The following ANKRD11 variants were observed in gnomAD, a reference collection of about 807,000 sequenced individuals.
The protein encoded by ANKRD11 is ankyrin repeat domain 11.
A neutral mutation model predicts 195.7 loss-of-function variants in ANKRD11; 17 were observed. The observed-to-expected ratio is 0.09, with a 90% CI of 0.06 to 0.13. The LOEUF (loss-of-function observed/expected upper bound fraction) is 0.13, where lower values mean the gene tolerates loss of function less well. Among genes scored for constraint, ANKRD11 ranks in the 10% least tolerant of loss-of-function variants. The pLI is 1.00. For synonymous variants in ANKRD11, 1,953 were observed against 1,528.1 expected (o/e 1.28, Z -6.49); for missense variants, 3,735 against 3,566.1 (o/e 1.05, Z -1.21).
At chr16:89,431,580 C>G (rs1448757073) in intron 1 of ANKRD11, among the ~76,000 whole-genome samples, 1 of 152,212 alleles carries the variant, frequency 6.6e-6, no homozygotes, top group Non-Finnish European at 1.5e-5. Flanking sequence ...TTCCACCCCA[C>G]CATTCCCGGT....
intron 2 of ANKRD11, among the ~76,000 whole-genome samples, chr16:89,389,938 G>T (rs34582717): frequency 9.9e-6 from 1 of 101,094 alleles, no homozygotes; most frequent in African/African-American, 4.2e-5. Flanking sequence ...GAGTGTGGCG[G>T]GGAGCACCGA....
At chr16:89,317,652 G>T (rs916352209) in intron 2 of ANKRD11, among the ~76,000 whole-genome samples, 1 of 152,190 alleles carries the variant, frequency 6.6e-6, no homozygotes, top group Non-Finnish European at 1.5e-5. Flanking sequence ...GCAGCTCCGA[G>T]GTCCCAACTC....
intron 2 of ANKRD11, among the ~76,000 whole-genome samples, chr16:89,366,618 T>C (rs558010790): frequency 1.5e-4 from 23 of 152,372 alleles, no homozygotes; most frequent in Non-Finnish European, 2.6e-4. Context: ...TTGAAAAGGC[T>C]GCCATCTTGC....
chr16:89,430,867 T>C (rs1351312895), intron 1 of ANKRD11, among the ~76,000 whole-genome samples: 1 of 152,226 alleles, frequency 6.6e-6, no homozygotes, highest in South Asian at 2.1e-4. Context: ...AGAATCATCA[T>C]GTTCGTCAGC....
Position 89,453,908 on chromosome 16 carries a change from G to A in ANKRD11, c.-144-35540C>T, listed in dbSNP as rs139559418. On this transcript the variant is annotated intron_variant, in intron 1 of 12. Transcript: ENST00000301030. The stretch of plus-strand genomic sequence containing the variant: ...CCCAACTTCTAACTTCCCTGGGCAA[G>A]TGGCCCAACTTCCTTGTGCCTCAAC... 9.5e-3 allele frequency among the ~76,000 whole-genome samples: 1,444 copies of A among 152,302 alleles called. 13 individuals carry two copies. Among genetic ancestry groups the A allele is most frequent in the Middle Eastern group, 0.017 (5 of 294 alleles).
Position 89,267,937 on chromosome 16 carries a change from TC to T in ANKRD11, c.*540del, listed in dbSNP as rs2151657579. On this transcript the variant is annotated 3_prime_UTR_variant, in exon 13 of 13. Transcript: ENST00000301030. ...GCTGGGAGTCCTGGCTCTGTGTCCC[TC>T]CGCCTGGCTCCGCACCAGGTCTGAA... 1 of 163,236 alleles carries T rather than the reference TC, an allele frequency of 6.1e-6. No homozygotes were observed. The highest frequency in any genetic ancestry group is 1.7e-4 in the East Asian group (1 of 5,876). 10.1% of individuals were successfully genotyped at this position (163,236 alleles called of 1,614,324 possible).
At chr16:89,345,075 C>T (rs56324531) in intron 2 of ANKRD11, among the ~76,000 whole-genome samples, 31 of 152,262 alleles carry the variant, frequency 2.0e-4, no homozygotes, top group Non-Finnish European at 3.8e-4. Context: ...GTTTCTCAAC[C>T]ACTCCCTGCT....
At chr16:89,407,505 C>T (rs986977611) in intron 2 of ANKRD11, among the ~76,000 whole-genome samples, 2 of 152,138 alleles carry the variant, frequency 1.3e-5, no homozygotes, top group African/African-American at 4.8e-5. Context: ...TGTTGCACGA[C>T]AGCCGCACAC....
chr16:89,383,901 T>C (rs553990834), intron 2 of ANKRD11, among the ~76,000 whole-genome samples: 1 of 152,166 alleles, frequency 6.6e-6, no homozygotes, highest in African/African-American at 2.4e-5. Flanking sequence ...AAACACCCGC[T>C]AGGGCCTTGT....
At chr16:89,330,759 T>A (rs1262013676) in intron 2 of ANKRD11, among the ~76,000 whole-genome samples, 2 of 145,570 alleles carry the variant, frequency 1.4e-5, no homozygotes, top group Admixed American at 1.4e-4. Flanking sequence ...CCTCGGCGAG[T>A]TCCAACCTCT....
At chr16:89,445,327 G>A (rs1248050939) in intron 1 of ANKRD11, among the ~76,000 whole-genome samples, 1 of 152,164 alleles carries the variant, frequency 6.6e-6, no homozygotes, top group Non-Finnish European at 1.5e-5. Context: ...CTGCTCAGCC[G>A]TTTCGAACCA....
chr16:89,313,478 G>T (rs1262902900), intron 3 of ANKRD11: 2 of 1,289,068 alleles, frequency 1.6e-6, no homozygotes, highest in African/African-American at 3.0e-5. Context: ...CAGCCAAAGG[G>T]ACACGCACAA....
chr16:89,351,700 A>G (rs1192011791), intron 2 of ANKRD11, among the ~76,000 whole-genome samples: 1 of 152,206 alleles, frequency 6.6e-6, no homozygotes, highest in Non-Finnish European at 1.5e-5. Flanking sequence ...CATGGACACA[A>G]AATGACCAGA....
Position 89,283,176 on chromosome 16 carries a change from C to G in ANKRD11, c.3366G>C (p.Glu1122Asp). ...TGCAGCTGTCTCTGTCGTCCTCACT[C>G]TCATCTGTGAAGATGTCTGCGATGT... ...SWYIADIFTD[E>D]SEDDRDSCMG... Residue 1122 changes from glutamate to aspartate, a missense_variant, in exon 9 of 13, where the codon GAG becomes GAC. Coordinates refer to ENST00000301030, the MANE Select transcript of ANKRD11 (RefSeq NM_013275.6). This position sits in a 1 kb window ranked among gnomAD's most constrained non-coding sequence, Gnocchi z 4.3. The G allele has an allele frequency of 6.2e-7, 1 of 1,614,126 alleles. No homozygotes were observed. Among genetic ancestry groups the G allele is most frequent in the Non-Finnish European group, 8.5e-7 (1 of 1,180,036 alleles).
intron 2 of ANKRD11, among the ~76,000 whole-genome samples, chr16:89,384,138 T>C (rs753392405): frequency 2.8e-4 from 43 of 152,162 alleles, no homozygotes; most frequent in Non-Finnish European, 4.6e-4. Context: ...GGAGAGTTGC[T>C]TGAACCCAGA....
chr16:89,270,021 T>C (rs1027857558), intron 12 of ANKRD11: 2 of 152,234 alleles, frequency 1.3e-5, no homozygotes, highest in Admixed American at 6.6e-5. Flanking sequence ...CTGGGGAGGG[T>C]GTGGTGTGAG....
chr16:89,479,324 CAT>C (rs565537062), intron 1 of ANKRD11, among the ~76,000 whole-genome samples: 22 of 151,974 alleles, frequency 1.4e-4, no homozygotes, highest in East Asian at 5.8e-4. Context: ...AGATAAAACA[CAT>C]GTGACCTGAT....
chr16:89,375,896 C>T (rs1293680612), intron 2 of ANKRD11, among the ~76,000 whole-genome samples: 3 of 152,166 alleles, frequency 2.0e-5, no homozygotes. Context: ...TGGCAGTGCT[C>T]CCAAGAAGCA....
chr16:89,455,816 T>C (rs2056409955), intron 1 of ANKRD11, among the ~76,000 whole-genome samples: 1 of 152,162 alleles, frequency 6.6e-6, no homozygotes, highest in Non-Finnish European at 1.5e-5. Flanking sequence ...TTGAAATACT[T>C]TGGCAATTCC....
Sources: allele counts gnomAD v4.1 joint callset (sites outside exome capture counted in the v4.1 genomes callset), GRCh38; gene constraint gnomAD v4.1.1; non-coding constraint Gnocchi (gnomAD v3.1); transcripts MANE v1.5; gene names NCBI Gene and HGNC (gene_info 2026-07-23, HGNC 2026-07-21).